Variants in KMT2C observed in about 807,000 individuals in gnomAD.
KMT2C encodes histone-lysine N-methyltransferase 2C.
A neutral mutation model predicts 507.9 loss-of-function variants in KMT2C; 88 were observed. That is an observed-to-expected ratio of 0.17 (90% confidence interval 0.15 to 0.21). The LOEUF (loss-of-function observed/expected upper bound fraction) is 0.21. Ranked by LOEUF, KMT2C falls within the 10% of genes least tolerant of loss-of-function variation. The pLI is 1.00. For missense variants in KMT2C, 4,954 were observed against 5,957.8 expected (o/e 0.83, Z 5.55); for synonymous variants, 2,049 against 2,080.8 (o/e 0.98, Z 0.42).
At chr7:152,303,387 T>G (rs1589049433) in intron 6 of KMT2C, among the ~76,000 whole-genome samples, 1 of 152,224 alleles carries the variant, frequency 6.6e-6, no homozygotes. Flanking sequence ...TTAGCGGCAG[T>G]CCTGGCCTCT....
chr7:152,431,800 T>C (rs1372547493), intron 1 of KMT2C, among the ~76,000 whole-genome samples: 1 of 152,138 alleles, frequency 6.6e-6, no homozygotes, highest in Non-Finnish European at 1.5e-5. Context: ...GACAATAAAT[T>C]ATTAAGAATT....
chr7:152,156,883 T>C (rs1040628832), intron 44 of KMT2C, among the ~76,000 whole-genome samples: 2 of 152,220 alleles, frequency 1.3e-5, no homozygotes, highest in East Asian at 1.9e-4. Context: ...AAATCATTAA[T>C]GTAGTTCCTC....
chr7:152,314,499 C>T (rs971327510), intron 4 of KMT2C, among the ~76,000 whole-genome samples: 5 of 149,026 alleles, frequency 3.4e-5, no homozygotes, highest in South Asian at 2.1e-4. Flanking sequence ...ACAATGTGCC[C>T]GTGAATACAG....
intron 9 of KMT2C, among the ~76,000 whole-genome samples, chr7:152,253,514 CAAAAAA>C (rs71198770): frequency 3.4e-3 from 136 of 39,506 alleles, no homozygotes; most frequent in African/African-American, 9.5e-3. Context: ...TCTTTCTCTA[CAAAAAA>C]AAAAAAAAAA....
At position 152,199,325 on chromosome 7, in the gene KMT2C, A is replaced by G; in HGVS notation, c.4227T>C (p.Asp1409=). Residue 1409 remains aspartate (D), a synonymous_variant, in exon 27 of 59, where the codon GAT becomes GAC. Coordinates refer to ENST00000262189, the MANE Select transcript of KMT2C (RefSeq NM_170606.3). ...GAGCCGAGGATGAACTAAGTAGTGG[A>G]TCTAAGGAAGGATCCAAGAAACCTG... ...MNTGFLDPSL[D]PLLSSSSAPT... The G allele has an allele frequency of 6.2e-7, 1 of 1,602,964 alleles. No homozygotes were observed. Among genetic ancestry groups the G allele is most frequent in the Non-Finnish European group, 8.5e-7 (1 of 1,176,376 alleles).
chr7:152,179,862 T>C lies in KMT2C; in HGVS notation c.7414A>G (p.Ser2472Gly). ...AATCCATGAGGTCTCATCCCCATAC[T>C]AGCAACATCAGGAGGATAGGGTCCA... ...QRGPYPPDVASMGMRPHGFRF... is the reference protein window; with the variant it reads ...QRGPYPPDVAGMGMRPHGFRF... Residue 2472 changes from serine (S) to glycine (G), a missense_variant, in exon 37 of 59, where the codon AGT becomes GGT. By Grantham distance (56) the Ser-to-Gly change is moderately conservative. Around this residue, in one of 29 missense-constraint regions of KMT2C, gnomAD observed 1,689 missense variants for 1,654.3 expected, o/e 1.02. Transcript: ENST00000262189. 3 of 1,614,090 alleles carry C rather than the reference T, an allele frequency of 1.9e-6. No homozygotes were observed. The highest frequency in any genetic ancestry group is 2.5e-6 in the Non-Finnish European group (3 of 1,179,996).
chr7:152,178,733 A>T lies in KMT2C; in HGVS notation c.7443-723T>A, dbSNP rs79505127. On this transcript the variant is annotated intron_variant, in intron 37 of 58. Transcript: ENST00000262189. ...AAATGCAGAAAGAGGCATAAATTAC[A>T]ACTAAGGTAGAAGAAAAGGAAACTA... is the stretch of plus-strand genomic sequence containing the variant. Among the ~76,000 whole-genome samples, 1,304 of 152,328 alleles carry T rather than the reference A, an allele frequency of 8.6e-3. 21 individuals are homozygous for T. The highest frequency in any genetic ancestry group is 0.03 in the African/African-American group (1,257 of 41,586).
intron 43 of KMT2C, among the ~76,000 whole-genome samples, chr7:152,159,629 T>C (rs1216948447): frequency 6.6e-6 from 1 of 152,218 alleles, no homozygotes; most frequent in African/African-American, 2.4e-5. Context: ...CAACCGTATT[T>C]GACTGAAAAA....
chr7:152,411,648 C>G (rs1589836939), intron 1 of KMT2C, among the ~76,000 whole-genome samples: 1 of 152,098 alleles, frequency 6.6e-6, no homozygotes, highest in South Asian at 2.1e-4. Flanking sequence ...GACTCTGCTA[C>G]AGCCAGCCAG....
intron 55 of KMT2C, among the ~76,000 whole-genome samples, chr7:152,142,591 T>C (rs1357142967): frequency 6.6e-6 from 1 of 152,264 alleles, no homozygotes; most frequent in African/African-American, 2.4e-5. Flanking sequence ...TTTGGGAATA[T>C]ACCCCATAGG....
In KMT2C at chr7:152,224,145, C is replaced by G. The variant is rs1448464967; in HGVS notation, c.3193G>C (p.Ala1065Pro). Residue 1065 changes from alanine (A) to proline (P), a missense_variant, in exon 20 of 59, where the codon GCA (alanine) becomes CCA (proline). This residue lies in a region of KMT2C where 52 missense variants were observed against 162.4 expected (regional missense o/e 0.32). Coordinates refer to ENST00000262189, the MANE Select transcript of KMT2C (RefSeq NM_170606.3). ...TTCTGCCATTCACATCTTAGACCTG[C>G]AGATGTTGCTCCACAGTGTCTGCAC... is the stretch of plus-strand genomic sequence containing the variant. ...VWCRHCGATSAGLRCEWQNNY... is the reference protein window; with the variant it reads ...VWCRHCGATSPGLRCEWQNNY... 13 of 1,607,088 alleles carry G rather than the reference C, an allele frequency of 8.1e-6. No homozygotes were observed. Among genetic ancestry groups the G allele is most frequent in the Non-Finnish European group, 1.1e-5 (13 of 1,175,684 alleles).
chr7:152,274,293 C>A (rs1275888784), intron 6 of KMT2C, among the ~76,000 whole-genome samples: 5 of 151,854 alleles, frequency 3.3e-5, no homozygotes, highest in African/African-American at 1.2e-4. Flanking sequence ...TTTTACCCTG[C>A]CTAAAAATAA....
At chr7:152,156,923 T>C (rs1238744940) in intron 44 of KMT2C, among the ~76,000 whole-genome samples, 1 of 152,158 alleles carries the variant, frequency 6.6e-6, no homozygotes, top group Non-Finnish European at 1.5e-5. Context: ...TTAACAGTTA[T>C]CACCAATTTG....
intron 1 of KMT2C, among the ~76,000 whole-genome samples, chr7:152,424,019 G>C (rs987049204): frequency 1.3e-5 from 2 of 151,982 alleles, no homozygotes; most frequent in Non-Finnish European, 2.9e-5. Flanking sequence ...AAATACTTTA[G>C]AAAAATAAAG....
intron 56 of KMT2C, 27 bp downstream of exon 56, chr7:152,139,648 A>T (rs2090297145): frequency 3.5e-6 from 5 of 1,445,760 alleles, no homozygotes; most frequent in Non-Finnish European, 4.9e-6. Flanking sequence ...GGTGCTGTGT[A>T]TACAATCTCG....
At position 152,155,951 on chromosome 7, in the gene KMT2C, G is replaced by A; in HGVS notation, c.11919C>T (p.Ala3973=). ...AQGPKTVDVP[A]SLPTPPHNNQ... ...TGTTATGAGGTGGTGTTGGGAGGGA[G>A]GCTGGCACATCAACTGTCTTGGGGC... is the stretch of plus-strand genomic sequence containing the variant. Residue 3973 remains alanine, a synonymous_variant, in exon 46 of 59, where the codon GCC becomes GCT. Coordinates refer to ENST00000262189, the MANE Select transcript of KMT2C (RefSeq NM_170606.3). The A allele has an allele frequency of 6.2e-7, 1 of 1,609,908 alleles. No individual in the cohort carries two copies. The highest frequency in any genetic ancestry group is 8.5e-7 in the Non-Finnish European group (1 of 1,179,176).
intron 14 of KMT2C, among the ~76,000 whole-genome samples, chr7:152,241,138 C>G (rs1448858618): frequency 6.6e-6 from 1 of 152,194 alleles, no homozygotes; most frequent in African/African-American, 2.4e-5. Flanking sequence ...TCAATCAGAG[C>G]CCGACTGACT....
intron 9 of KMT2C, 26 bp from the exon 10 acceptor site, chr7:152,252,741 A>G (rs1266058197): frequency 1.3e-6 from 2 of 1,548,734 alleles, no homozygotes; most frequent in South Asian, 1.2e-5. Context: ...AATAAAAACA[A>G]AAACAGTTTG....
intron 1 of KMT2C, among the ~76,000 whole-genome samples, chr7:152,375,919 C>T (rs540516807): frequency 6.6e-6 from 1 of 152,188 alleles, no homozygotes; most frequent in Admixed American, 6.5e-5. Context: ...CTCAACCTTC[C>T]GGACTCAAGT....
Sources: allele counts gnomAD v4.1 joint callset (sites outside exome capture counted in the v4.1 genomes callset), GRCh38; gene constraint gnomAD v4.1.1; regional missense constraint gnomAD v4.1.1; transcripts MANE v1.5; gene names NCBI Gene and HGNC (gene_info 2026-07-23, HGNC 2026-07-21).